Variants in PPOX observed in about 807,000 individuals in gnomAD.
The protein encoded by PPOX is protoporphyrinogen oxidase.
A neutral mutation model predicts 54.1 loss-of-function variants in PPOX; 23 were observed. The observed-to-expected ratio is 0.43, with a 90% CI of 0.31 to 0.60. The LOEUF (loss-of-function observed/expected upper bound fraction) is 0.60. Ranked by LOEUF, PPOX falls within the 20% of genes least tolerant of loss-of-function variation. The pLI, the probability that PPOX is intolerant of heterozygous loss-of-function variation, is 0.13. For synonymous variants in PPOX, 224 were observed against 236.1 expected (o/e 0.95, Z 0.47); for missense variants, 512 against 601.1 (o/e 0.85, Z 1.55).
chr1:161,173,989 G>C (rs1395526298), downstream of PPOX: 1 of 1,614,016 alleles, frequency 6.2e-7, no homozygotes, highest in Admixed American at 1.7e-5. Context: ...TCTTCATCAC[G>C]CAGGGCCTCT....
chr1:161,168,914 T>C lies in PPOX; in HGVS notation c.617-79T>C, dbSNP rs531626603. 5.6e-5 allele frequency: 87 copies of C among 1,548,008 alleles called. No homozygotes were observed. In the South Asian group the frequency reaches 9.4e-4, roughly 17 times the overall value. ...CCTGACCTCAAGTGATCCACCCGCC[T>C]CGGCCTCCTAAAGTGCTGGGATTAC... is the stretch of plus-strand genomic sequence containing the variant. On this transcript the variant is annotated intron_variant, in intron 6 of 12. Transcript: ENST00000367999.
intron 4 of PPOX, chr1:161,176,809 T>C (rs902276293): frequency 5.3e-6 from 8 of 1,505,790 alleles, no homozygotes; most frequent in South Asian, 1.2e-5. Flanking sequence ...GATTGGGGAG[T>C]GGGGACAGGA....
chr1:161,171,934 G>A (rs780215020), downstream of PPOX: 1 of 1,614,160 alleles, frequency 6.2e-7, no homozygotes, highest in South Asian at 1.1e-5. Flanking sequence ...TGGGTAACGT[G>A]GCCCAGAAGG....
intron 2 of PPOX, 38 bp from the exon 3 acceptor site, chr1:161,167,062 A>G (rs1659230906): frequency 2.5e-6 from 4 of 1,614,072 alleles, no homozygotes; most frequent in East Asian, 2.2e-5. Context: ...GCCGGCGGCT[A>G]CAGGCGGTGC....
chr1:161,169,237 A>G, intron 7 of PPOX, 54 bp downstream of exon 7: 1 of 1,600,704 alleles, frequency 6.2e-7, no homozygotes, highest in Non-Finnish European at 8.5e-7. Flanking sequence ...TCTTTATCCA[A>G]GTGGCTTAAC....
downstream of PPOX, chr1:161,172,076 C>A (rs747156753): frequency 6.2e-7 from 1 of 1,614,094 alleles, no homozygotes; most frequent in South Asian, 1.1e-5. Context: ...TGGGTACGGA[C>A]CAGGAGGTCA....
Position 161,170,429 on chromosome 1 carries a change from A to G in PPOX, c.1008A>G (p.Pro336=), listed in dbSNP as rs1238356874. Residue 336 remains proline, a synonymous_variant, in exon 10 of 13, where the codon CCA becomes CCG. Coordinates refer to ENST00000367999, the MANE Select transcript of PPOX (RefSeq NM_001122764.3). The part of the protein sequence containing the change: ...LPVQGFGHLV[P]SSEDPGVLGI... Reference sequence around the variant, plus strand: ...TCCAGGGATTTGGACATTTGGTGCCATCTTCAGAAGATCCAGGAGTCCTGG... The same window carrying G: ...TCCAGGGATTTGGACATTTGGTGCCGTCTTCAGAAGATCCAGGAGTCCTGG... The G allele has an allele frequency of 6.2e-7, 1 of 1,606,872 alleles. No homozygotes were observed. Among genetic ancestry groups the G allele is most frequent in the Non-Finnish European group, 8.5e-7 (1 of 1,176,666 alleles).
At chr1:161,167,635 G>A (rs1659571471) in intron 4 of PPOX, 149 bp downstream of exon 4, 2 of 1,127,454 alleles carry the variant, frequency 1.8e-6, no homozygotes, top group African/African-American at 3.5e-5. Context: ...CGCGATCTTG[G>A]CTCACTGCAA....
At chr1:161,166,263 C>T, upstream of PPOX, 1 of 996,858 alleles carries the variant, frequency 1.0e-6, no homozygotes, top group South Asian at 3.9e-5. Flanking sequence ...GCCGCTCACT[C>T]CCAGCTCGGC....
Position 161,171,184 on chromosome 1 carries a change from CT to C in PPOX, c.*9del. The C allele has an allele frequency of 1.2e-6, 2 of 1,613,156 alleles. No homozygotes were observed. The highest frequency in any genetic ancestry group is 1.7e-6 in the Non-Finnish European group (2 of 1,180,050). The stretch of plus-strand genomic sequence containing the variant: ...ACAGAACCTAACAGCTGATCCCCAA[CT>C]CTCATTCATGAAAATAAAAATTGCT... On this transcript the variant is annotated 3_prime_UTR_variant, in exon 13 of 13. Coordinates refer to ENST00000367999, the MANE Select transcript of PPOX (RefSeq NM_001122764.3).
chr1:161,175,295 G>T, downstream of PPOX: 1 of 1,411,796 alleles, frequency 7.1e-7, no homozygotes, highest in South Asian at 1.2e-5. Flanking sequence ...ACTAGGGTTT[G>T]GGAATACCTC....
At chr1:161,174,122 T>C (rs1193904154), downstream of PPOX, 2 of 1,519,032 alleles carry the variant, frequency 1.3e-6, no homozygotes, top group African/African-American at 1.4e-5. Context: ...AGAATAAAAG[T>C]GAAGGCCGGG....
Position 161,170,421 on chromosome 1 carries a change from T to C in PPOX, c.1000T>C (p.Leu334=), listed in dbSNP as rs941880525. Reference sequence around the variant, plus strand: ...TCCTTCTCTCCAGGGATTTGGACATTTGGTGCCATCTTCAGAAGATCCAGG... The same window carrying C: ...TCCTTCTCTCCAGGGATTTGGACATCTGGTGCCATCTTCAGAAGATCCAGG... The part of the protein sequence containing the change: ...AHLPVQGFGH[L]VPSSEDPGVL... Residue 334 remains leucine (L), a synonymous_variant, in exon 10 of 13, where the codon TTG becomes CTG. Coordinates refer to ENST00000367999, the MANE Select transcript of PPOX (RefSeq NM_001122764.3). 1 of 1,603,220 alleles carries C rather than the reference T, an allele frequency of 6.2e-7. No homozygotes were observed. Among genetic ancestry groups the C allele is most frequent in the Non-Finnish European group, 8.5e-7 (1 of 1,173,440 alleles).
intron 4 of PPOX, 43 bp downstream of exon 4, chr1:161,167,529 C>T (rs1301962334): frequency 4.6e-6 from 6 of 1,298,888 alleles, no homozygotes; most frequent in Non-Finnish European, 6.6e-6. Context: ...CCCTCATCCT[C>T]ATATGCCTTC....
intron 7 of PPOX, 190 bp downstream of exon 7, chr1:161,169,373 G>A (rs1187543709): frequency 1.4e-6 from 1 of 735,750 alleles, no homozygotes; most frequent in Non-Finnish European, 2.2e-6. Flanking sequence ...ATGCAAGTCT[G>A]TGGATAGAAG....
chr1:161,170,011 A>G lies in PPOX; in HGVS notation c.974A>G (p.His325Arg). 2 of 1,613,750 alleles carry G rather than the reference A, an allele frequency of 1.2e-6. No homozygotes were observed. Among genetic ancestry groups the G allele is most frequent in the Non-Finnish European group, 1.7e-6 (2 of 1,179,902 alleles). ...GTGAATCTGCAGTACCAAGGAGCCCATCTGCCTGTCCAGGTATGATAAAGG... is the reference window on the plus strand; with the variant it reads ...GTGAATCTGCAGTACCAAGGAGCCCGTCTGCCTGTCCAGGTATGATAAAGG... Reference protein sequence around the residue: ...AVVNLQYQGAHLPVQGFGHLV... With the variant: ...AVVNLQYQGARLPVQGFGHLV... Residue 325 changes from histidine to arginine, a missense_variant, in exon 9 of 13, where the codon CAT becomes CGT. Physicochemically the swap from His to Arg is conservative, Grantham distance 29. Coordinates refer to ENST00000367999, the MANE Select transcript of PPOX (RefSeq NM_001122764.3).
At chr1:161,170,566 CTG>C (rs1660968900) in intron 10 of PPOX, 47 bp downstream of exon 10, 1 of 1,614,150 alleles carries the variant, frequency 6.2e-7, no homozygotes, top group African/African-American at 1.3e-5. Flanking sequence ...GAGGGCTCCT[CTG>C]TGCTCCATTG....
chr1:161,174,640 T>G (rs1316061467), downstream of PPOX, among the ~76,000 whole-genome samples: 1 of 152,226 alleles, frequency 6.6e-6, no homozygotes, highest in Non-Finnish European at 1.5e-5. Context: ...ATATTAGTTA[T>G]CTTATGCTCT....
chr1:161,174,189 C>T (rs1662575832), downstream of PPOX: 1 of 827,186 alleles, frequency 1.2e-6, no homozygotes, highest in Non-Finnish European at 1.9e-6. Flanking sequence ...AGGCAGATCA[C>T]AAGGTCAGGA....
Sources: gnomAD v4.1 joint callset for allele counts (sites outside exome capture counted in the v4.1 genomes callset) on GRCh38, gnomAD v4.1.1 for gene constraint, MANE v1.5 for transcripts, NCBI Gene and HGNC (gene_info 2026-07-23, HGNC 2026-07-21) for gene names.